The following NALCN variants were observed in gnomAD, a reference collection of about 807,000 sequenced individuals.
The protein encoded by NALCN is sodium leak channel NALCN.
NALCN carries 111 observed loss-of-function variants against 225.3 expected under a neutral mutation model. The ratio of observed to expected loss-of-function variants is 0.49; its 90% CI spans 0.42 to 0.58. NALCN has a LOEUF of 0.58. NALCN is among the 20% of genes least tolerant of loss of function. The pLI, the probability that NALCN is intolerant of heterozygous loss-of-function variation, is 0.00. For missense variants in NALCN, 1,378 were observed against 2,202.4 expected (o/e 0.63, Z 7.49); for synonymous variants, 764 against 769.0 (o/e 0.99, Z 0.11).
chr13:101,318,182 C>T (rs1326157997), intron 7 of NALCN, among the ~76,000 whole-genome samples: 2 of 152,178 alleles, frequency 1.3e-5, no homozygotes, highest in Admixed American at 1.3e-4. Flanking sequence ...TCGTTCTGCC[C>T]ACCCGGCCTG....
intron 6 of NALCN, chr13:101,368,832 C>A: frequency 5.8e-6 from 1 of 173,498 alleles, no homozygotes; most frequent in Non-Finnish European, 1.3e-5. Context: ...ATGATGAAGC[C>A]CTGTCTCTGC....
At chr13:101,234,621 T>G (rs2041478164) in intron 12 of NALCN, among the ~76,000 whole-genome samples, 1 of 152,232 alleles carries the variant, frequency 6.6e-6, no homozygotes. Flanking sequence ...AGAGATTTAC[T>G]TTCTAGCCAC....
rs372326068 is a variant in NALCN, at chr13:101,206,743, TATAC to T, written c.1627-14693_1627-14690del. Among the ~76,000 whole-genome samples the T allele has an allele frequency of 8.2e-3, 1,149 of 140,628 alleles. 15 individuals carry two copies. The highest frequency in any genetic ancestry group is 0.027 in the African/African-American group (1,056 of 39,608). The allele number at this position is 140,628 out of a possible 152,430, so 92.3% of individuals were successfully genotyped here. A position where few individuals can be genotyped will look rare whatever the true frequency, so the allele number is the denominator to read the frequency against. On this transcript the variant is annotated intron_variant, in intron 13 of 43. Coordinates refer to ENST00000251127, the MANE Select transcript of NALCN (RefSeq NM_052867.4). The stretch of plus-strand genomic sequence containing the variant: ...GGTTTTTTAAATATATATATATATA[TATAC>T]ACATATAACAAAAAATGTATATATT...
chr13:101,285,463 C>T (rs2043306321), intron 9 of NALCN, among the ~76,000 whole-genome samples: 1 of 149,808 alleles, frequency 6.7e-6, no homozygotes, highest in Non-Finnish European at 1.5e-5. Context: ...CAATGCCCAA[C>T]TAATTTTTGT....
intron 30 of NALCN, among the ~76,000 whole-genome samples, chr13:101,085,879 A>G (rs1397042040): frequency 5.3e-5 from 8 of 152,120 alleles, no homozygotes; most frequent in Non-Finnish European, 1.2e-4. Flanking sequence ...AATACAATCA[A>G]TACTCCCAAC....
chr13:101,319,567 C>A (rs1268912099), intron 7 of NALCN, among the ~76,000 whole-genome samples: 1 of 152,016 alleles, frequency 6.6e-6, no homozygotes, highest in Admixed American at 6.6e-5. Flanking sequence ...ATACGTAAAC[C>A]ATGATTTTGA....
intron 3 of NALCN, among the ~76,000 whole-genome samples, chr13:101,379,069 C>T (rs2139427999): frequency 6.6e-6 from 1 of 152,128 alleles, no homozygotes; most frequent in South Asian, 2.1e-4. Flanking sequence ...AGTAGGAAAA[C>T]TAACAAGGCA....
chr13:101,411,500 A>G (rs1455739303), intron 1 of NALCN, among the ~76,000 whole-genome samples: 1 of 151,884 alleles, frequency 6.6e-6, no homozygotes, highest in East Asian at 1.9e-4. Context: ...GGTGCCCACC[A>G]TCACACCTAG....
At chr13:101,110,727 T>C in intron 19 of NALCN, 39 bp from the exon 20 acceptor site, 1 of 1,603,252 alleles carries the variant, frequency 6.2e-7, no homozygotes. Flanking sequence ...CATCTCAAGA[T>C]CAAACTGGCC....
intron 15 of NALCN, among the ~76,000 whole-genome samples, chr13:101,157,375 G>C (rs1196688577): frequency 6.6e-6 from 1 of 152,100 alleles, no homozygotes; most frequent in Non-Finnish European, 1.5e-5. Context: ...TTGAAGAAAT[G>C]GCTGGCTTTA....
At chr13:101,345,771 T>TATATATATATATATATATATATATATA (rs56015893) in intron 6 of NALCN, among the ~76,000 whole-genome samples, 11 of 116,998 alleles carry the variant, frequency 9.4e-5, no homozygotes, top group East Asian at 2.5e-4. Context: ...TATATATATA[T>TATATATATATATATATATATATATATA]TTAGAGAGGG....
intron 30 of NALCN, among the ~76,000 whole-genome samples, chr13:101,086,446 T>C: frequency 1.3e-5 from 2 of 152,174 alleles, no homozygotes; most frequent in East Asian, 3.9e-4. Flanking sequence ...ATAAATTATT[T>C]ATAGTATTGT....
chr13:101,075,985 G>A lies in NALCN; in HGVS notation c.3886-44C>T, dbSNP rs544556772. The A allele has an allele frequency of 2.6e-5, 40 of 1,555,800 alleles. No homozygotes were observed. In the African/African-American group the frequency reaches 5.1e-4, roughly 20 times the overall value. On this transcript the variant is annotated intron_variant, in intron 34 of 43. Coordinates refer to ENST00000251127, the MANE Select transcript of NALCN (RefSeq NM_052867.4). ...ACAGCTTCTCATAATTTGCACAAAA[G>A]ATCTTGTTACAGTTCCATTTTTTAA...
At chr13:101,137,608 G>A (rs1433980320) in intron 17 of NALCN, among the ~76,000 whole-genome samples, 1 of 151,724 alleles carries the variant, frequency 6.6e-6, no homozygotes, top group African/African-American at 2.4e-5. Flanking sequence ...TAGACAATAG[G>A]GATAGCAACT....
chr13:101,082,484 T>G (rs563323723), intron 33 of NALCN, among the ~76,000 whole-genome samples: 1 of 152,324 alleles, frequency 6.6e-6, no homozygotes, highest in South Asian at 2.1e-4. Context: ...CTGGGCCAAC[T>G]TGTTTTGCGT....
intron 15 of NALCN, among the ~76,000 whole-genome samples, chr13:101,170,146 T>A (rs2038645354): frequency 1.3e-5 from 2 of 152,088 alleles, no homozygotes; most frequent in South Asian, 4.1e-4. Context: ...AAAATATACA[T>A]CAGTATTTAT....
At chr13:101,190,639 T>C (rs1594400276) in intron 14 of NALCN, among the ~76,000 whole-genome samples, 1 of 152,320 alleles carries the variant, frequency 6.6e-6, no homozygotes, top group East Asian at 1.9e-4. Context: ...CATGTAACAA[T>C]GAATTCTCAT....
chr13:101,061,827 T>C, intron 41 of NALCN, 141 bp downstream of exon 41: 1 of 708,558 alleles, frequency 1.4e-6, no homozygotes, highest in Non-Finnish European at 2.3e-6. Flanking sequence ...TAAGTGGAGG[T>C]AGTGGACATA....
At position 101,378,431 on chromosome 13, in the gene NALCN, AAAAAT is replaced by A. The variant is rs57317466; in HGVS notation, c.375+134_375+138del. On this transcript the variant is annotated intron_variant, in intron 4 of 43. Transcript: ENST00000251127. ...ACAGACTAATCACATCTGTTAAAATAAAAATAAAATAAAATGTTGTAGGCAATTAC... is the reference window on the plus strand; with the variant it reads ...ACAGACTAATCACATCTGTTAAAATAAAAATAAAATGTTGTAGGCAATTAC... 124,191 of 638,232 alleles carry A rather than the reference AAAAAT, an allele frequency of 0.19. 13,492 individuals carry two copies. Among genetic ancestry groups the A allele is most frequent in the Non-Finnish European group, 0.21 (82,046 of 387,576 alleles). The allele number at this position is 638,232 out of a possible 1,614,324, so 39.5% of individuals were successfully genotyped here.
Sources: gnomAD v4.1 joint callset for allele counts (sites outside exome capture counted in the v4.1 genomes callset) on GRCh38, gnomAD v4.1.1 for gene constraint, MANE v1.5 for transcripts, NCBI Gene and HGNC (gene_info 2026-07-23, HGNC 2026-07-21) for gene names.